Variants in CACNA2D3 observed in about 807,000 individuals in gnomAD.
The protein encoded by CACNA2D3 is voltage-dependent calcium channel subunit alpha-2/delta-3.
In CACNA2D3, 60 loss-of-function variants were observed where a neutral mutation model predicts 160.6. The observed-to-expected ratio is 0.37, with a 90% CI of 0.30 to 0.46. CACNA2D3 has a LOEUF of 0.46. Among genes scored for constraint, CACNA2D3 ranks in the 20% least tolerant of loss-of-function variants. CACNA2D3 has a pLI of 1.00. For missense variants in CACNA2D3, 1,205 were observed against 1,365.0 expected (o/e 0.88, Z 1.85); for synonymous variants, 558 against 492.9 (o/e 1.13, Z -1.75).
At chr3:54,484,123 G>A (rs1305129025) in intron 4 of CACNA2D3, among the ~76,000 whole-genome samples, 1 of 152,162 alleles carries the variant, frequency 6.6e-6, no homozygotes, top group Non-Finnish European at 1.5e-5. Context: ...CCTAAGCAAT[G>A]AAACACTACG....
intron 13 of CACNA2D3, among the ~76,000 whole-genome samples, chr3:54,806,445 C>G (rs959997363): frequency 5.9e-4 from 90 of 152,316 alleles, no homozygotes; most frequent in African/African-American, 2.0e-3. Flanking sequence ...AGTGAACTCT[C>G]ATTCACAATT....
chr3:54,837,339 C>A, intron 15 of CACNA2D3, 109 bp downstream of exon 15: 1 of 844,722 alleles, frequency 1.2e-6, no homozygotes, highest in South Asian at 1.5e-5. Flanking sequence ...GGATGTATGT[C>A]ATTTTTCCTT....
chr3:54,540,301 G>A, intron 5 of CACNA2D3, among the ~76,000 whole-genome samples: 1 of 152,272 alleles, frequency 6.6e-6, no homozygotes, highest in African/African-American at 2.4e-5. Flanking sequence ...CTGATGACTG[G>A]TAAATGTTGA....
intron 4 of CACNA2D3, among the ~76,000 whole-genome samples, chr3:54,457,599 A>AT (rs988093041): frequency 4.0e-4 from 61 of 151,812 alleles, no homozygotes; most frequent in Non-Finnish European, 7.7e-4. Flanking sequence ...CTTATATTGG[A>AT]TTTTTTTTAT....
intron 35 of CACNA2D3, among the ~76,000 whole-genome samples, chr3:55,020,885 G>T (rs550234512): frequency 1.3e-4 from 20 of 151,474 alleles, no homozygotes; most frequent in Admixed American, 3.9e-4. Flanking sequence ...CACACATATT[G>T]CTGGATTCAA....
chr3:54,381,453 C>A (rs1383276379), intron 3 of CACNA2D3, among the ~76,000 whole-genome samples: 3 of 152,200 alleles, frequency 2.0e-5, no homozygotes, highest in Non-Finnish European at 4.4e-5. Context: ...CTTTTCTCCC[C>A]TTGTTAAGCC....
chr3:54,209,364 G>A lies in CACNA2D3; in HGVS notation c.204+85770G>A, dbSNP rs531473750. On this transcript the variant is annotated intron_variant, in intron 2 of 37. Coordinates refer to ENST00000474759, the MANE Select transcript of CACNA2D3 (RefSeq NM_018398.3). ...ACCCTCCTGGCCCTTTGTGTCTGAC[G>A]ATCTTGCTGCAGACTCACACTCTAA... Among the ~76,000 whole-genome samples the A allele has an allele frequency of 1.6e-3, 244 of 152,272 alleles. 1 individual carries two copies. The highest frequency in any genetic ancestry group is 0.01 in the Middle Eastern group (3 of 294).
At chr3:54,926,427 C>G (rs1701018439) in intron 27 of CACNA2D3, among the ~76,000 whole-genome samples, 1 of 150,870 alleles carries the variant, frequency 6.6e-6, no homozygotes, top group Admixed American at 6.6e-5. Flanking sequence ...TGTCAGAGTT[C>G]TTATCTACTG....
At chr3:54,294,037 T>C (rs1443524373) in intron 2 of CACNA2D3, among the ~76,000 whole-genome samples, 1 of 152,214 alleles carries the variant, frequency 6.6e-6, no homozygotes, top group East Asian at 1.9e-4. Flanking sequence ...TGAAAACTTG[T>C]TTACATTACG....
chr3:54,141,058 A>G, intron 2 of CACNA2D3, among the ~76,000 whole-genome samples: 2 of 51,116 alleles, frequency 3.9e-5, no homozygotes, highest in East Asian at 1.4e-3. Flanking sequence ...CTGCAGGTGA[A>G]ACCTGTGTGT....
chr3:54,893,158 C>T (rs1314515719), intron 25 of CACNA2D3, among the ~76,000 whole-genome samples: 1 of 152,112 alleles, frequency 6.6e-6, no homozygotes, highest in Non-Finnish European at 1.5e-5. Context: ...CACCTGTAAT[C>T]CCAGCTACTC....
At chr3:54,333,214 C>T (rs1246853359) in intron 3 of CACNA2D3, among the ~76,000 whole-genome samples, 1 of 152,036 alleles carries the variant, frequency 6.6e-6, no homozygotes, top group Non-Finnish European at 1.5e-5. Flanking sequence ...GTCTTCCTCA[C>T]CACCTCCCAG....
chr3:54,734,112 G>A (rs998581830), intron 11 of CACNA2D3, among the ~76,000 whole-genome samples: 1 of 151,896 alleles, frequency 6.6e-6, no homozygotes, highest in Non-Finnish European at 1.5e-5. Context: ...TGTGTCTGGC[G>A]AAACTGCTCC....
At chr3:54,167,047 G>A (rs570721410) in intron 2 of CACNA2D3, among the ~76,000 whole-genome samples, 15 of 152,282 alleles carry the variant, frequency 9.9e-5, no homozygotes, top group African/African-American at 3.6e-4. Flanking sequence ...TTCAGGTCTT[G>A]GGGGAAGCAT....
intron 12 of CACNA2D3, among the ~76,000 whole-genome samples, chr3:54,763,349 A>G (rs1702118976): frequency 6.6e-6 from 1 of 152,132 alleles, no homozygotes; most frequent in South Asian, 2.1e-4. Context: ...AAATGGGCAC[A>G]GTCATCTGCA....
intron 11 of CACNA2D3, among the ~76,000 whole-genome samples, chr3:54,734,036 G>T (rs534813161): frequency 6.6e-6 from 1 of 151,996 alleles, no homozygotes; most frequent in Admixed American, 6.6e-5. Flanking sequence ...ATATCATTTG[G>T]ATAATAGTTT....
chr3:54,967,394 T>C (rs1309288877), intron 27 of CACNA2D3, among the ~76,000 whole-genome samples: 16 of 152,200 alleles, frequency 1.1e-4, no homozygotes. Context: ...TTTTTTTTCT[T>C]ACAATTGTGT....
chr3:54,141,844 C>A (rs573708056), intron 2 of CACNA2D3, among the ~76,000 whole-genome samples: 1 of 152,300 alleles, frequency 6.6e-6, no homozygotes, highest in African/African-American at 2.4e-5. Context: ...TTCGTTTATT[C>A]AACAAACATT....
intron 2 of CACNA2D3, among the ~76,000 whole-genome samples, chr3:54,136,010 C>T (rs10048972): frequency 0.01 from 1,554 of 152,344 alleles, 20 homozygotes; most frequent in African/African-American, 0.035. Context: ...AGCCCCATGC[C>T]TTGTCTGCTC....
Sources: allele counts gnomAD v4.1 joint callset (sites outside exome capture counted in the v4.1 genomes callset), GRCh38; gene constraint gnomAD v4.1.1; transcripts MANE v1.5; gene names NCBI Gene and HGNC (gene_info 2026-07-23, HGNC 2026-07-21).